Variants in UBASH3B observed in about 807,000 individuals in gnomAD.
The protein encoded by UBASH3B is ubiquitin associated and SH3 domain containing B.
In UBASH3B, 37 loss-of-function variants were observed where a neutral mutation model predicts 83.4. That is an observed-to-expected ratio of 0.44 (90% CI 0.34 to 0.58). The LOEUF is 0.58. Ranked by LOEUF, UBASH3B falls within the 20% of genes least tolerant of loss-of-function variation. UBASH3B has a pLI of 0.01. For missense variants in UBASH3B, 657 were observed against 827.2 expected (o/e 0.79, Z 2.52); for synonymous variants, 304 against 318.3 (o/e 0.96, Z 0.48).
Position 122,796,287 on chromosome 11 carries a change from G to T in UBASH3B, c.1234+11G>T, listed in dbSNP as rs764248015. ...GCTTCGATGCCAAAGGTGAGTTGGT[G>T]GTGGGCCTGCTCAGCACTGCCATAC... On this transcript the variant is annotated intron_variant, in intron 8 of 13. Transcript: ENST00000284273. 1 of 1,613,768 alleles carries T rather than the reference G, an allele frequency of 6.2e-7. No individual in the cohort carries two copies. The highest frequency in any genetic ancestry group is 8.5e-7 in the Non-Finnish European group (1 of 1,179,828).
chr11:122,783,030 G>C (rs1194307600), intron 4 of UBASH3B, 23 bp from the exon 5 acceptor site: 2 of 1,605,656 alleles, frequency 1.2e-6, no homozygotes, highest in South Asian at 2.2e-5. Context: ...TTTAATTACT[G>C]ACCTTTTTCT....
At chr11:122,728,648 G>T (rs1860786224) in intron 1 of UBASH3B, among the ~76,000 whole-genome samples, 1 of 152,178 alleles carries the variant, frequency 6.6e-6, no homozygotes, top group Non-Finnish European at 1.5e-5. Context: ...CTCAAGAATT[G>T]GTTGTTGGAT....
In UBASH3B at chr11:122,656,160, T is replaced by A. The variant is rs1243557370; in HGVS notation, c.111T>A (p.His37Gln). The change falls in exon 1 of 14, where the codon CAT becomes CAA. Residue 37 changes from histidine to glutamine, a missense_variant. Around this residue, in one of 3 missense-constraint regions of UBASH3B, gnomAD observed 78 missense variants for 68.4 expected, o/e 1.14. Coordinates refer to ENST00000284273, the MANE Select transcript of UBASH3B (RefSeq NM_032873.5). ...NRQQRPGTIK[H>Q]GSALDVLLSM... Reference sequence around the variant, plus strand: ...AACAGCGCCCCGGCACCATCAAGCATGGATCGGCGCTGGACGTGCTCCTCT... The same window carrying A: ...AACAGCGCCCCGGCACCATCAAGCAAGGATCGGCGCTGGACGTGCTCCTCT... 6.3e-7 allele frequency: 1 copy of A among 1,576,776 alleles called. No individual in the cohort carries two copies. Among genetic ancestry groups the A allele is most frequent in the Non-Finnish European group, 8.6e-7 (1 of 1,162,822 alleles).
At chr11:122,784,892 T>C (rs1177758543) in intron 5 of UBASH3B, among the ~76,000 whole-genome samples, 1 of 152,138 alleles carries the variant, frequency 6.6e-6, no homozygotes, top group Non-Finnish European at 1.5e-5. Flanking sequence ...GGCCTGATCT[T>C]ATTTAAGAAT....
chr11:122,713,176 G>A (rs1303220976), intron 1 of UBASH3B, among the ~76,000 whole-genome samples: 4 of 152,042 alleles, frequency 2.6e-5, no homozygotes, highest in African/African-American at 9.7e-5. Flanking sequence ...CAAAGTACTG[G>A]GATTACAGGC....
At chr11:122,657,431 G>A (rs1863379329) in intron 1 of UBASH3B, among the ~76,000 whole-genome samples, 2 of 152,074 alleles carry the variant, frequency 1.3e-5, no homozygotes, top group African/African-American at 4.8e-5. Context: ...TGGGACCATA[G>A]ACATGCGCCA....
At chr11:122,766,500 G>A (rs566707839) in intron 1 of UBASH3B, among the ~76,000 whole-genome samples, 3 of 152,234 alleles carry the variant, frequency 2.0e-5, no homozygotes, top group South Asian at 2.1e-4. Context: ...AGCCGAGATC[G>A]CGCCACTGCA....
At chr11:122,674,747 G>A (rs1418748033) in intron 1 of UBASH3B, among the ~76,000 whole-genome samples, 1 of 43,122 alleles carries the variant, frequency 2.3e-5, no homozygotes, top group South Asian at 6.1e-4. Context: ...TTTTTTTTTT[G>A]AGGCGGAGTC....
At chr11:122,673,605 G>C (rs924812676) in intron 1 of UBASH3B, among the ~76,000 whole-genome samples, 1 of 152,216 alleles carries the variant, frequency 6.6e-6, no homozygotes, top group African/African-American at 2.4e-5. Flanking sequence ...CTTGCAGTGA[G>C]CCGAGATGGC....
At chr11:122,738,624 C>A (rs983487433) in intron 1 of UBASH3B, among the ~76,000 whole-genome samples, 1 of 152,196 alleles carries the variant, frequency 6.6e-6, no homozygotes, top group South Asian at 2.1e-4. Context: ...CACAGTGGCT[C>A]ACGCCTGTAA....
chr11:122,794,461 C>T (rs763618894), intron 6 of UBASH3B, among the ~76,000 whole-genome samples: 4 of 152,172 alleles, frequency 2.6e-5, no homozygotes, highest in Admixed American at 6.5e-5. Flanking sequence ...CCTGCCTCGG[C>T]GTCCCAAAGT....
intron 1 of UBASH3B, among the ~76,000 whole-genome samples, chr11:122,723,686 A>G (rs4936730): frequency 0.47 from 71,397 of 152,114 alleles, 18,865 homozygotes; most frequent in Non-Finnish European, 0.61. Context: ...AAAGAGTCCC[A>G]AAGAGCACCG....
At chr11:122,779,415 G>A (rs1275722565) in intron 3 of UBASH3B, 82 bp from the exon 4 acceptor site, 1 of 1,493,434 alleles carries the variant, frequency 6.7e-7, no homozygotes, top group African/African-American at 1.4e-5. Context: ...CCAGTCTCTG[G>A]GGAGAGGATG....
chr11:122,710,508 T>G (rs1864177588), intron 1 of UBASH3B, among the ~76,000 whole-genome samples: 1 of 152,222 alleles, frequency 6.6e-6, no homozygotes, highest in Non-Finnish European at 1.5e-5. Flanking sequence ...GGACCAGACA[T>G]GATCTCCCCC....
chr11:122,777,190 A>C lies in UBASH3B; in HGVS notation c.382A>C (p.Thr128Pro). The change falls in exon 3 of 14, where the codon ACA (threonine) becomes CCA (proline). Residue 128 changes from threonine to proline, a missense_variant. Physicochemically the swap from Thr to Pro is conservative, Grantham distance 38 (BLOSUM62 -1). Transcript: ENST00000284273. ...NKAHNIFPHI[T>P]LCQFFMCEDS... ...GGCACACAACATCTTCCCCCACATC[A>C]CACTCTGCCAGTTCTTTATGGTGAG... 1 of 1,613,510 alleles carries C rather than the reference A, an allele frequency of 6.2e-7. No individual in the cohort carries two copies. Among genetic ancestry groups the C allele is most frequent in the Non-Finnish European group, 8.5e-7 (1 of 1,179,726 alleles).
intron 1 of UBASH3B, among the ~76,000 whole-genome samples, chr11:122,713,579 G>A (rs929117402): frequency 6.6e-6 from 1 of 152,056 alleles, no homozygotes; most frequent in Non-Finnish European, 1.5e-5. Flanking sequence ...GAAACTATAG[G>A]CATGTTGCAT....
chr11:122,777,594 A>G (rs1860760458), intron 3 of UBASH3B, among the ~76,000 whole-genome samples: 1 of 149,836 alleles, frequency 6.7e-6, no homozygotes, highest in African/African-American at 2.4e-5. Context: ...CAGTTTATAG[A>G]CAGGGAAAGC....
At position 122,800,322 on chromosome 11, in the gene UBASH3B, G is replaced by A. The variant is rs193054996; in HGVS notation, c.1451-866G>A. ...TGGGAGGCCGAGGCGGGCGGTTCAC[G>A]AGGTCAGGAGATCGAGACCATCCTG... On this transcript the variant is annotated intron_variant, in intron 10 of 13. Transcript: ENST00000284273. Among the ~76,000 whole-genome samples the A allele has an allele frequency of 1.0e-2, 1,488 of 149,488 alleles. 23 individuals carry two copies. Among genetic ancestry groups the A allele is most frequent in the African/African-American group, 0.034 (1,374 of 40,508 alleles).
chr11:122,676,119 T>C (rs1863664420), intron 1 of UBASH3B, among the ~76,000 whole-genome samples: 2 of 152,150 alleles, frequency 1.3e-5, no homozygotes, highest in African/African-American at 4.8e-5. Flanking sequence ...AAAAAATTTT[T>C]GGCTGGGTGT....
Sources: gnomAD v4.1 joint callset for allele counts (sites outside exome capture counted in the v4.1 genomes callset) on GRCh38, gnomAD v4.1.1 for gene constraint, gnomAD v4.1.1 regional missense constraint, MANE v1.5 for transcripts, NCBI Gene and HGNC (gene_info 2026-07-23, HGNC 2026-07-21) for gene names.